The following FGF18 variants were observed in gnomAD, a reference collection of about 807,000 sequenced individuals.
The protein encoded by FGF18 is fibroblast growth factor 18.
Under a neutral mutation model 23.0 loss-of-function variants are expected in FGF18, and 5 were observed. That is an observed-to-expected ratio of 0.22 (90% CI 0.11 to 0.46). FGF18 has a LOEUF of 0.46. Ranked by LOEUF, FGF18 falls within the 20% of genes least tolerant of loss-of-function variation. The pLI is 0.99. For missense variants in FGF18, 180 were observed against 291.6 expected (o/e 0.62, Z 2.79); for synonymous variants, 117 against 118.9 (o/e 0.98, Z 0.10).
rs1364005131 is a variant in FGF18 at position 171,434,761 on chromosome 5, G to T, written c.70-1332G>T. Among the ~76,000 whole-genome samples the T allele has an allele frequency of 6.6e-6, 1 of 151,684 alleles. No homozygotes were observed. Among genetic ancestry groups the T allele is most frequent in the Non-Finnish European group, 1.5e-5 (1 of 67,994 alleles). ...CGTTTGAGTTTCTACCGTGTTAGGT[G>T]CTGCGGATATAGTGGCAAATGAGAG... On this transcript the variant is annotated intron_variant, in intron 2 of 4. Transcript: ENST00000274625. This position sits in a 1 kb window ranked among gnomAD's most constrained non-coding sequence, Gnocchi z 4.6.
chr5:171,424,350 A>C (rs1772061370), intron 2 of FGF18, among the ~76,000 whole-genome samples: 1 of 152,224 alleles, frequency 6.6e-6, no homozygotes, highest in South Asian at 2.1e-4. Context: ...TGCATGAAGG[A>C]AAAAGATGGT....
intron 2 of FGF18, among the ~76,000 whole-genome samples, chr5:171,427,707 C>T (rs1339010776): frequency 6.6e-6 from 1 of 152,220 alleles, no homozygotes; most frequent in Non-Finnish European, 1.5e-5. Context: ...TGGCCCTGGA[C>T]TGGTTTTGAG....
chr5:171,420,480 T>C (rs780586556), intron 2 of FGF18, 37 bp downstream of exon 2: 5 of 1,601,538 alleles, frequency 3.1e-6, no homozygotes, highest in Admixed American at 1.7e-5. Context: ...CTCCCGCCCC[T>C]GCCTCGCGGT....
chr5:171,456,845 T>G lies in FGF18; in HGVS notation c.*40T>G. 1.3e-6 allele frequency: 2 copies of G among 1,562,884 alleles called. No individual in the cohort carries two copies. The highest frequency in any genetic ancestry group is 1.7e-6 in the Non-Finnish European group (2 of 1,156,076). On this transcript the variant is annotated 3_prime_UTR_variant, in exon 5 of 5. Coordinates refer to ENST00000274625, the MANE Select transcript of FGF18 (RefSeq NM_003862.3). This position sits in a 1 kb window ranked among gnomAD's most constrained non-coding sequence, Gnocchi z 6.1. Reference sequence around the variant, plus strand: ...GCCCCTCAGGTCGCCCTGGCCACACTCACACTCCCAGAAAACTGCATCAGA... The same window carrying G: ...GCCCCTCAGGTCGCCCTGGCCACACGCACACTCCCAGAAAACTGCATCAGA...
chr5:171,454,933 C>G (rs978421337), intron 4 of FGF18, among the ~76,000 whole-genome samples: 19 of 152,240 alleles, frequency 1.2e-4, no homozygotes, highest in Admixed American at 1.2e-3. Context: ...ACCCCCTGTC[C>G]AGATCAGATC....
rs551355998 is a variant in FGF18 at position 171,441,400 on chromosome 5, C to T, written c.250+5127C>T. Among the ~76,000 whole-genome samples, 31 of 152,318 alleles carry T rather than the reference C, an allele frequency of 2.0e-4. 1 individual carries two copies. The South Asian group carries it at 2.5e-3, about 12-fold the overall frequency. On this transcript the variant is annotated intron_variant, in intron 3 of 4. Transcript: ENST00000274625. ...GCTGCAGCCTCAGGCTCTGCCTCTG[C>T]TCCTTGCTTACATGGCCACAGCCAC... is the stretch of plus-strand genomic sequence containing the variant.
intron 2 of FGF18, among the ~76,000 whole-genome samples, chr5:171,430,794 C>CAAAAAAAAAA (rs566577499): frequency 4.3e-4 from 23 of 53,728 alleles, no homozygotes; most frequent in Non-Finnish European, 6.2e-4. Context: ...GACTCCGTCT[C>CAAAAAAAAAA]AAAAAAAAAA....
intron 3 of FGF18, among the ~76,000 whole-genome samples, chr5:171,447,475 G>A (rs1452536590): frequency 6.6e-6 from 1 of 152,242 alleles, no homozygotes; most frequent in African/African-American, 2.4e-5. Flanking sequence ...CTGAGTCAGT[G>A]TTGACTAGGG....
intron 2 of FGF18, among the ~76,000 whole-genome samples, chr5:171,423,793 T>TTTTTTTTTTC (rs1561883540): frequency 6.9e-6 from 1 of 144,146 alleles, no homozygotes; most frequent in Non-Finnish European, 1.5e-5. Context: ...TTTTTTTTTT[T>TTTTTTTTTTC]TTTTGTGCTC....
At chr5:171,446,367 G>C (rs1772419251) in intron 3 of FGF18, among the ~76,000 whole-genome samples, 2 of 152,160 alleles carry the variant, frequency 1.3e-5, no homozygotes, top group African/African-American at 4.8e-5. Flanking sequence ...CTCCAGACCT[G>C]GGGGCCTCTC....
rs1034487850 is a variant in FGF18 at position 171,457,333 on chromosome 5, G to T, written c.*528G>T. On this transcript the variant is annotated 3_prime_UTR_variant, in exon 5 of 5. Transcript: ENST00000274625. ...GCTGCAAGCTGCCCCGAGACACCGC[G>T]CAGGGAAGGCGTGCCCCTGGGAATT... 1 of 153,436 alleles carries T rather than the reference G, an allele frequency of 6.5e-6. No homozygotes were observed. Among genetic ancestry groups the T allele is most frequent in the Non-Finnish European group, 1.4e-5 (1 of 69,038 alleles). The allele number at this position is 153,436 out of a possible 1,614,324, so 9.5% of individuals were successfully genotyped here.
At chr5:171,425,688 G>A (rs1248095538) in intron 2 of FGF18, among the ~76,000 whole-genome samples, 1 of 151,888 alleles carries the variant, frequency 6.6e-6, no homozygotes, top group African/African-American at 2.4e-5. Flanking sequence ...GAGCCACCAT[G>A]CCCGGCTAAT....
Position 171,434,701 on chromosome 5 carries a change from CT to C in FGF18, c.70-1388del, listed in dbSNP as rs1242508528. On this transcript the variant is annotated intron_variant, in intron 2 of 4. Coordinates refer to ENST00000274625, the MANE Select transcript of FGF18 (RefSeq NM_003862.3). This position sits in a 1 kb window ranked among gnomAD's most constrained non-coding sequence, Gnocchi z 4.6. The stretch of plus-strand genomic sequence containing the variant: ...TAAATGGCACAGCAGGACTCCAGGT[CT>C]TTTCAACATTTGTTTATGTATCCAT... 2.0e-5 allele frequency among the ~76,000 whole-genome samples: 3 copies of C among 151,996 alleles called. No individual in the cohort carries two copies. The highest frequency in any genetic ancestry group is 7.3e-5 in the African/African-American group (3 of 41,364).
intron 3 of FGF18, among the ~76,000 whole-genome samples, chr5:171,445,424 T>A (rs1373851975): frequency 6.6e-6 from 1 of 152,182 alleles, no homozygotes; most frequent in Non-Finnish European, 1.5e-5. Context: ...AGTGGCATGA[T>A]CTCGGCTCAC....
At chr5:171,421,368 A>C (rs1278261960) in intron 2 of FGF18, among the ~76,000 whole-genome samples, 6 of 152,196 alleles carry the variant, frequency 3.9e-5, no homozygotes, top group Admixed American at 6.5e-5. Flanking sequence ...AGGAAGCGTC[A>C]GCTCCCCAAG....
intron 4 of FGF18, 106 bp downstream of exon 4, chr5:171,449,359 C>CGTGTGTG: frequency 4.1e-6 from 1 of 246,452 alleles, no homozygotes; most frequent in Non-Finnish European, 7.8e-6. Context: ...GGAAAACAGG[C>CGTGTGTG]CGTGTGTGTG....
In FGF18 at chr5:171,442,493, C is replaced by T. The variant is rs374532970; in HGVS notation, c.250+6220C>T. 1.7e-3 allele frequency among the ~76,000 whole-genome samples: 254 copies of T among 152,314 alleles called. 9 individuals are homozygous for T. In the South Asian group the frequency reaches 0.05, roughly 30 times the overall value. On this transcript the variant is annotated intron_variant, in intron 3 of 4. Transcript: ENST00000274625. ...AGCTCTGTCAGCACTGGGATCTTTGCGGCTGGCCAGCTACCGTCCAGCCCT... is the reference window on the plus strand; with the variant it reads ...AGCTCTGTCAGCACTGGGATCTTTGTGGCTGGCCAGCTACCGTCCAGCCCT...
Position 171,440,662 on chromosome 5 carries a change from C to T in FGF18, c.250+4389C>T, listed in dbSNP as rs1772328225. On this transcript the variant is annotated intron_variant, in intron 3 of 4. Transcript: ENST00000274625. The surrounding 1 kb of genome is among the most constrained non-coding windows in gnomAD (Gnocchi z 4.0). ...GAGCCCACCCATTCTCTCCCTGAGC[C>T]TCGGTTTCCCCACCTGTAATGTGGG... 6.6e-6 allele frequency among the ~76,000 whole-genome samples: 1 copy of T among 152,172 alleles called. No individual in the cohort carries two copies. Among genetic ancestry groups the T allele is most frequent in the Non-Finnish European group, 1.5e-5 (1 of 68,038 alleles).
chr5:171,439,807 G>A (rs1357370622), intron 3 of FGF18, among the ~76,000 whole-genome samples: 3 of 152,114 alleles, frequency 2.0e-5, no homozygotes, highest in African/African-American at 7.2e-5. Context: ...GGTTTCCGGG[G>A]CAACTCTGCT....
Sources: gnomAD v4.1 joint callset for allele counts (sites outside exome capture counted in the v4.1 genomes callset) on GRCh38, gnomAD v4.1.1 for gene constraint, Gnocchi (gnomAD v3.1) non-coding constraint, MANE v1.5 for transcripts, NCBI Gene and HGNC (gene_info 2026-07-23, HGNC 2026-07-21) for gene names.